The following AP1G1 variants were observed in gnomAD, a reference collection of about 807,000 sequenced individuals.
The protein encoded by AP1G1 is AP-1 complex subunit gamma-1.
A neutral mutation model predicts 108.3 loss-of-function variants in AP1G1; 7 were observed. The ratio of observed to expected loss-of-function variants is 0.06; its 90% CI spans 0.04 to 0.12. The LOEUF (loss-of-function observed/expected upper bound fraction) is 0.12. Ranked by LOEUF, AP1G1 falls within the 10% of genes least tolerant of loss-of-function variation. The pLI, the probability that AP1G1 is intolerant of heterozygous loss-of-function variation, is 1.00. For synonymous variants in AP1G1, 379 were observed against 353.5 expected, an observed-to-expected ratio of 1.07 and a Z score of -0.81; for missense variants, 756 against 1,010.7, an observed-to-expected ratio of 0.75 and a Z score of 3.42.
At chr16:71,736,384 CT>C (rs776717308) in intron 21 of AP1G1, among the ~76,000 whole-genome samples, 296 of 135,128 alleles carry the variant, frequency 2.2e-3, no homozygotes, top group African/African-American at 5.1e-3. Context: ...TAAAATATGA[CT>C]TTTTTTTTTT....
intron 12 of AP1G1, among the ~76,000 whole-genome samples, chr16:71,755,548 G>A (rs138432953): frequency 6.6e-6 from 1 of 152,322 alleles, no homozygotes; most frequent in Non-Finnish European, 1.5e-5. Flanking sequence ...ATATTTAAAT[G>A]CTGGCTATAA....
intron 11 of AP1G1, 35 bp downstream of exon 11, chr16:71,758,773 A>T (rs1397817017): frequency 7.4e-7 from 1 of 1,347,966 alleles, no homozygotes. Flanking sequence ...AATTTACCAA[A>T]AACACTAGAC....
At chr16:71,734,163 T>C (rs889634818) in intron 22 of AP1G1, among the ~76,000 whole-genome samples, 8 of 152,228 alleles carry the variant, frequency 5.3e-5, no homozygotes, top group African/African-American at 1.9e-4. Context: ...GCTTATTTCT[T>C]TGAGAAGAGA....
intron 15 of AP1G1, 94 bp downstream of exon 15, chr16:71,749,800 T>G: frequency 9.0e-7 from 1 of 1,110,266 alleles, no homozygotes; most frequent in Admixed American, 1.7e-5. Flanking sequence ...CTAAAAAGTT[T>G]TCAAGGAATC....
At chr16:71,770,266 A>T (rs572535575) in intron 5 of AP1G1, among the ~76,000 whole-genome samples, 1 of 152,358 alleles carries the variant, frequency 6.6e-6, no homozygotes, top group South Asian at 2.1e-4. Context: ...TTCTGGGCAC[A>T]GCACTGAATT....
chr16:71,765,921 A>C (rs189334232), intron 6 of AP1G1, among the ~76,000 whole-genome samples: 1 of 152,310 alleles, frequency 6.6e-6, no homozygotes, highest in Admixed American at 6.5e-5. Flanking sequence ...GTTCTGTAGA[A>C]CTTGAAAAGC....
rs111993329 is a variant in AP1G1 at position 71,755,792 on chromosome 16, C to T, written c.1229+227G>A. On this transcript the variant is annotated intron_variant, in intron 12 of 22. Transcript: ENST00000299980. ...TGCCGAGTAGCTGGGACTACAGGCG[C>T]GTGCCACCAGGCCCAACAAATTTTT... 8.5e-4 allele frequency among the ~76,000 whole-genome samples: 129 copies of T among 152,054 alleles called. 1 individual carries two copies. Among genetic ancestry groups the T allele is most frequent in the African/African-American group, 2.9e-3 (121 of 41,484 alleles).
chr16:71,767,835 C>T (rs1423062390), intron 6 of AP1G1: 1 of 1,591,428 alleles, frequency 6.3e-7, no homozygotes, highest in African/African-American at 1.3e-5. Context: ...TACTAAGGAC[C>T]TAATGCCAGC....
chr16:71,765,447 A>G (rs1031669738), intron 7 of AP1G1, 42 bp downstream of exon 7: 2 of 1,432,234 alleles, frequency 1.4e-6, no homozygotes, highest in African/African-American at 2.8e-5. Context: ...TAAAGATATT[A>G]AATTCATATA....
intron 12 of AP1G1, among the ~76,000 whole-genome samples, chr16:71,755,272 A>C (rs1185080974): frequency 6.6e-6 from 1 of 152,074 alleles, no homozygotes; most frequent in African/African-American, 2.4e-5. Flanking sequence ...CAAAAAGAAA[A>C]AAACAAACCC....
intron 19 of AP1G1, among the ~76,000 whole-genome samples, chr16:71,740,259 A>T (rs2045602361): frequency 6.6e-6 from 1 of 152,144 alleles, no homozygotes; most frequent in African/African-American, 2.4e-5. Flanking sequence ...TTATTGTAGG[A>T]TATTAAGTAG....
chr16:71,737,540 C>A (rs1175865873), intron 21 of AP1G1, among the ~76,000 whole-genome samples: 1 of 152,214 alleles, frequency 6.6e-6, no homozygotes, highest in Non-Finnish European at 1.5e-5. Context: ...CCGCCTCAGC[C>A]TCCCAAATTG....
intron 10 of AP1G1, among the ~76,000 whole-genome samples, chr16:71,761,197 C>T (rs988128904): frequency 3.3e-5 from 5 of 152,162 alleles, no homozygotes; most frequent in African/African-American, 1.2e-4. Context: ...TTATCTATGG[C>T]TAATTTCATG....
intron 2 of AP1G1, among the ~76,000 whole-genome samples, chr16:71,779,902 T>C (rs1401684206): frequency 6.6e-6 from 1 of 151,868 alleles, no homozygotes; most frequent in Non-Finnish European, 1.5e-5. Context: ...GAGTATTCCT[T>C]AAGCCCAGGA....
chr16:71,774,613 AAAG>A, intron 2 of AP1G1, 21 bp from the exon 3 acceptor site: 2 of 1,553,848 alleles, frequency 1.3e-6, no homozygotes, highest in East Asian at 2.3e-5. Flanking sequence ...AGAAAAAAAA[AAAG>A]AAGGAAATTA....
chr16:71,768,847 G>A (rs2031433927), intron 6 of AP1G1, among the ~76,000 whole-genome samples: 1 of 148,516 alleles, frequency 6.7e-6, no homozygotes, highest in Admixed American at 6.8e-5. Context: ...GAACCCGGGA[G>A]GCGGAACTTG....
chr16:71,734,488 A>G (rs2045508815), intron 22 of AP1G1, 121 bp downstream of exon 22: 2 of 794,184 alleles, frequency 2.5e-6, no homozygotes, highest in Admixed American at 4.2e-5. Flanking sequence ...TAGACCAGGC[A>G]TTTTCATTGA....
intron 12 of AP1G1, among the ~76,000 whole-genome samples, chr16:71,754,783 G>A (rs890560648): frequency 6.6e-6 from 1 of 151,356 alleles, no homozygotes; most frequent in Admixed American, 6.6e-5. Flanking sequence ...CTGGGTGACA[G>A]AGCAAGACTC....
At position 71,756,021 on chromosome 16, in the gene AP1G1, T is replaced by G; in HGVS notation, c.1227A>C (p.Glu409Asp). The change falls in exon 12 of 23, where the codon GAA becomes GAC. Residue 409 changes from glutamate to aspartate, a missense_variant and splice_region_variant. By Grantham distance (45) the Glu-to-Asp change is conservative. This residue lies in a region of AP1G1 where 357 missense variants were observed against 366.5 expected (regional missense o/e 0.97). Coordinates refer to ENST00000299980, the MANE Select transcript of AP1G1 (RefSeq NM_001128.6). ...TAAAGGTAAAAATTAAATCTTACTTTTCTGCAGCAAGAAAGATTCCAGATG... is the reference window on the plus strand; with the variant it reads ...TAAAGGTAAAAATTAAATCTTACTTGTCTGCAGCAAGAAAGATTCCAGATG... ...DCASGIFLAA[E>D]KYAPSKRWHI... is the part of the protein sequence containing the mutation. 1 of 1,607,376 alleles carries G rather than the reference T, an allele frequency of 6.2e-7. No homozygotes were observed. The highest frequency in any genetic ancestry group is 8.5e-7 in the Non-Finnish European group (1 of 1,177,806).
Sources: gnomAD v4.1 joint callset for allele counts (sites outside exome capture counted in the v4.1 genomes callset) on GRCh38, gnomAD v4.1.1 for gene constraint, gnomAD v4.1.1 regional missense constraint, MANE v1.5 for transcripts, NCBI Gene and HGNC (gene_info 2026-07-23, HGNC 2026-07-21) for gene names.